MYO1B: variants seen among roughly 807,000 people sequenced by gnomAD.
MYO1B encodes myosin IB.
A neutral mutation model predicts 159.7 loss-of-function variants in MYO1B; 72 were observed. That is an observed-to-expected ratio of 0.45 (90% CI 0.37 to 0.55). The LOEUF (loss-of-function observed/expected upper bound fraction) is 0.55. MYO1B is among the 20% of genes least tolerant of loss of function. The pLI is 0.00. For missense variants in MYO1B, 1,062 were observed against 1,364.8 expected, an observed-to-expected ratio of 0.78 and a Z score of 3.50; for synonymous variants, 468 against 473.8, an observed-to-expected ratio of 0.99 and a Z score of 0.16.
chr2:191,247,835 C>A (rs539262023), intron 1 of MYO1B: 1 of 715,492 alleles, frequency 1.4e-6, no homozygotes, highest in Non-Finnish European at 1.7e-6. Flanking sequence ...GGCCTCTGGC[C>A]GTTCTGGTGG....
intron 4 of MYO1B, among the ~76,000 whole-genome samples, chr2:191,332,281 G>A (rs1691539533): frequency 1.3e-5 from 2 of 151,906 alleles, no homozygotes; most frequent in Non-Finnish European, 2.9e-5. Flanking sequence ...CTCTTAATGT[G>A]GACTCTGAGC....
chr2:191,414,879 G>A (rs1255367517), intron 29 of MYO1B, among the ~76,000 whole-genome samples: 1 of 152,126 alleles, frequency 6.6e-6, no homozygotes, highest in African/African-American at 2.4e-5. Context: ...TACTTTTTGA[G>A]ACTAATACAT....
chr2:191,400,168 G>A (rs1696518157), intron 21 of MYO1B, among the ~76,000 whole-genome samples: 1 of 152,166 alleles, frequency 6.6e-6, no homozygotes, highest in South Asian at 2.1e-4. Context: ...GGAGGCTGCT[G>A]TTCCAATCAA....
At chr2:191,340,620 G>A (rs150614246) in intron 4 of MYO1B, among the ~76,000 whole-genome samples, 434 of 152,268 alleles carry the variant, frequency 2.9e-3, no homozygotes, top group African/African-American at 0.01. Context: ...GTCTGGAAAA[G>A]GCTGCGTTTT....
chr2:191,384,402 T>C (rs1459360575), intron 15 of MYO1B, among the ~76,000 whole-genome samples: 1 of 152,214 alleles, frequency 6.6e-6, no homozygotes, highest in Admixed American at 6.5e-5. Flanking sequence ...TTTACAAAGC[T>C]TTTTGGGAAA....
chr2:191,413,291 C>G (rs1474521419), intron 27 of MYO1B, among the ~76,000 whole-genome samples: 1 of 152,164 alleles, frequency 6.6e-6, no homozygotes, highest in African/African-American at 2.4e-5. Context: ...GCTCAGCACA[C>G]TTACATTAGC....
rs757070775 is a variant in MYO1B, at chr2:191,423,824, T to G, written c.3288-13T>G. ...TTGTGTATACTTTAATTTGTTTTAT[T>G]CTTTTCTCCTAGGTTCCTGGTACAG... On this transcript the variant is annotated splice_polypyrimidine_tract_variant and intron_variant, in intron 30 of 30. Coordinates refer to ENST00000392318, the MANE Select transcript of MYO1B (RefSeq NM_001130158.3). 3.1e-6 allele frequency: 5 copies of G among 1,600,956 alleles called. No individual in the cohort carries two copies.
intron 30 of MYO1B, among the ~76,000 whole-genome samples, chr2:191,418,292 A>G (rs1559252242): frequency 6.6e-6 from 1 of 152,100 alleles, no homozygotes; most frequent in Non-Finnish European, 1.5e-5. Flanking sequence ...TGTCAGCCCT[A>G]AGTGGCTTCG....
intron 13 of MYO1B, 118 bp from the exon 14 acceptor site, chr2:191,381,344 C>A: frequency 2.5e-6 from 2 of 795,488 alleles, no homozygotes; most frequent in Non-Finnish European, 4.4e-6. Flanking sequence ...TGCTGGGCCA[C>A]AGTTAAATCT....
intron 2 of MYO1B, among the ~76,000 whole-genome samples, chr2:191,278,397 A>G (rs949140866): frequency 6.6e-6 from 1 of 152,224 alleles, no homozygotes; most frequent in Admixed American, 6.5e-5. Context: ...CTTTCAATAT[A>G]TAAACTTTAG....
At chr2:191,382,853 T>G (rs952485223) in intron 14 of MYO1B, among the ~76,000 whole-genome samples, 5 of 152,246 alleles carry the variant, frequency 3.3e-5, no homozygotes, top group Admixed American at 1.3e-4. Context: ...AATTAATTTT[T>G]TTCCTTATGA....
At chr2:191,409,965 A>C (rs1364940754) in intron 26 of MYO1B, among the ~76,000 whole-genome samples, 1 of 152,222 alleles carries the variant, frequency 6.6e-6, no homozygotes, top group Non-Finnish European at 1.5e-5. Flanking sequence ...TTTCCTGCCC[A>C]GCACGGTGGG....
At chr2:191,396,374 T>C (rs1696071114) in intron 20 of MYO1B, 55 bp from the exon 21 acceptor site, 2 of 1,557,724 alleles carry the variant, frequency 1.3e-6, no homozygotes, top group South Asian at 2.2e-5. Context: ...TCAATCCTTG[T>C]ATGCGTTACA....
At chr2:191,281,768 G>T (rs1431617105) in intron 2 of MYO1B, among the ~76,000 whole-genome samples, 1 of 152,192 alleles carries the variant, frequency 6.6e-6, no homozygotes, top group Non-Finnish European at 1.5e-5. Context: ...CAAGGTGTCT[G>T]TTCTCTGACG....
chr2:191,399,802 T>A (rs919373686), intron 21 of MYO1B, among the ~76,000 whole-genome samples: 1 of 152,178 alleles, frequency 6.6e-6, no homozygotes, highest in South Asian at 2.1e-4. Context: ...TTCCTTGGCC[T>A]CATGGCTGGA....
At chr2:191,249,435 G>A (rs946005738) in intron 1 of MYO1B, among the ~76,000 whole-genome samples, 21 of 152,156 alleles carry the variant, frequency 1.4e-4, no homozygotes, top group Non-Finnish European at 4.4e-5. Context: ...AGCTCTGTGG[G>A]AACACTCATT....
intron 2 of MYO1B, among the ~76,000 whole-genome samples, chr2:191,295,541 T>G (rs1688932260): frequency 6.6e-6 from 1 of 152,060 alleles, no homozygotes; most frequent in Non-Finnish European, 1.5e-5. Context: ...TATAATGAGA[T>G]TATGTGGTTT....
chr2:191,366,690 C>T (rs1694030577), intron 11 of MYO1B, among the ~76,000 whole-genome samples: 1 of 152,120 alleles, frequency 6.6e-6, no homozygotes, highest in Admixed American at 6.5e-5. Context: ...CAGCTTACCT[C>T]AGTTTATTCC....
At chr2:191,311,845 TG>T (rs1690019090) in intron 3 of MYO1B, among the ~76,000 whole-genome samples, 1 of 152,208 alleles carries the variant, frequency 6.6e-6, no homozygotes, top group Non-Finnish European at 1.5e-5. Context: ...ACCTGGAATG[TG>T]GGTATAGGGA....
Sources: gnomAD v4.1 joint callset for allele counts (sites outside exome capture counted in the v4.1 genomes callset) on GRCh38, gnomAD v4.1.1 for gene constraint, MANE v1.5 for transcripts, NCBI Gene and HGNC (gene_info 2026-07-23, HGNC 2026-07-21) for gene names.